The following ZNF99 variants were observed in gnomAD, a reference collection of about 807,000 sequenced individuals.
ZNF99 encodes zinc finger protein 99.
Under a neutral mutation model 12.8 loss-of-function variants are expected in ZNF99, and 8 were observed. The ratio of observed to expected loss-of-function variants is 0.62; its 90% CI spans 0.37 to 1.13. The LOEUF is 1.13. Among genes scored for constraint, ZNF99 ranks in the 50% most tolerant of loss-of-function variants. The pLI is 0.02. For missense variants in ZNF99, 1,007 were observed against 1,006.2 expected (o/e 1.00, Z -0.01); for synonymous variants, 318 against 319.0 (o/e 1.00, Z 0.03).
Position 22,756,838 on chromosome 19 carries a change from A to C in ZNF99, c.*476T>G, listed in dbSNP as rs1973067599. 1 of 1,611,464 alleles carries C rather than the reference A, an allele frequency of 6.2e-7. No individual in the cohort carries two copies. The highest frequency in any genetic ancestry group is 1.7e-5 in the Admixed American group (1 of 59,884). ...ATCTCATGTTTTCTAAGGGCTGAGA[A>C]ATGCTTAAAAGCTTTGCCACATTCT... On this transcript the variant is annotated 3_prime_UTR_variant, in exon 4 of 4. Transcript: ENST00000596209.
At chr19:22,771,883 A>G (rs1973276556) in intron 1 of ZNF99, among the ~76,000 whole-genome samples, 1 of 133,714 alleles carries the variant, frequency 7.5e-6, no homozygotes, top group East Asian at 2.2e-4. Flanking sequence ...ACGCCCGGCT[A>G]ATTTTTGTAT....
chr19:22,760,472 C>T lies in ZNF99; in HGVS notation c.227-790G>A, dbSNP rs191612624. 7.9e-5 allele frequency among the ~76,000 whole-genome samples: 12 copies of T among 152,210 alleles called. No individual in the cohort carries two copies. In the East Asian group the frequency reaches 1.9e-3, roughly 25 times the overall value. ...TAAAATGACAGCTTGAGGCCGGGCACGGTGGCTCAGGCCTGTAATCCCAGC... is the reference window on the plus strand; with the variant it reads ...TAAAATGACAGCTTGAGGCCGGGCATGGTGGCTCAGGCCTGTAATCCCAGC... On this transcript the variant is annotated intron_variant, in intron 3 of 3. Transcript: ENST00000596209.
In ZNF99 at chr19:22,759,112, A is replaced by T; in HGVS notation, c.797T>A (p.Phe266Tyr). The T allele has an allele frequency of 6.2e-7, 1 of 1,609,988 alleles. No individual in the cohort carries two copies. The highest frequency in any genetic ancestry group is 8.5e-7 in the Non-Finnish European group (1 of 1,177,796). The part of the protein sequence containing the change: ...PCKCEECGKV[F>Y]NNSSTLMKHK... ...TTTCATAAGGGTTGAGGAATTGTTAAAAACTTTGCCACATTCTTCACATTT... is the reference window on the plus strand; with the variant it reads ...TTTCATAAGGGTTGAGGAATTGTTATAAACTTTGCCACATTCTTCACATTT... Residue 266 changes from phenylalanine to tyrosine, a missense_variant, in exon 4 of 4, where the codon TTT becomes TAT. Coordinates refer to ENST00000596209, the MANE Select transcript of ZNF99 (RefSeq NM_001080409.3).
intron 3 of ZNF99, among the ~76,000 whole-genome samples, chr19:22,762,703 G>T (rs1973163697): frequency 6.6e-6 from 1 of 151,982 alleles, no homozygotes; most frequent in South Asian, 2.1e-4. Flanking sequence ...ACCACAGACT[G>T]ACGTCCCTGA....
rs1973124244 is a variant in ZNF99, at chr19:22,759,372, G to C, written c.537C>G (p.Ser179Arg). 1 of 1,553,242 alleles carries C rather than the reference G, an allele frequency of 6.4e-7. No homozygotes were observed. Among genetic ancestry groups the C allele is most frequent in the African/African-American group, 1.4e-5 (1 of 73,186 alleles). The change falls in exon 4 of 4, where the codon AGC becomes AGG. Residue 179 changes from serine to arginine, a missense_variant. Ser to Arg is a moderately radical substitution (Grantham distance 110, BLOSUM62 -1). Transcript: ENST00000596209. ...KKKTFKCMKC[S>R]KSFFMLSHLI... ...AGTGTGAAAGCATGAAAAATGATTTGCTACATTTCATACATTTGAAAGTTT... is the reference window on the plus strand; with the variant it reads ...AGTGTGAAAGCATGAAAAATGATTTCCTACATTTCATACATTTGAAAGTTT...
In ZNF99 at chr19:22,758,051, G is replaced by A. The variant is rs1413971901; in HGVS notation, c.1858C>T (p.Pro620Ser). 8 of 1,610,044 alleles carry A rather than the reference G, an allele frequency of 5.0e-6. No individual in the cohort carries two copies. Among genetic ancestry groups the A allele is most frequent in the East Asian group, 2.2e-5 (1 of 44,704 alleles). Residue 620 changes from proline (P) to serine (S), a missense_variant, in exon 4 of 4, where the codon CCC (proline) becomes TCC (serine). By Grantham distance (74) the Pro-to-Ser change is moderately conservative. Transcript: ENST00000596209. ...KHQIIHTGKK[P>S]YKCEECGKAF... ...TTGCCACATTCTTCACATTTGTAGG[G>A]TTTCTTTCCAGTATGAATTATCTGA... is the stretch of plus-strand genomic sequence containing the variant.
chr19:22,766,048 G>A (rs973094446), intron 3 of ZNF99, among the ~76,000 whole-genome samples: 1 of 151,620 alleles, frequency 6.6e-6, no homozygotes, highest in Non-Finnish European at 1.5e-5. Flanking sequence ...AAAATAATTT[G>A]TAATATTAAT....
At chr19:22,772,348 T>C (rs1973282801) in intron 1 of ZNF99, among the ~76,000 whole-genome samples, 2 of 152,180 alleles carry the variant, frequency 1.3e-5, no homozygotes, top group African/African-American at 4.8e-5. Context: ...TAGCTACTTG[T>C]GGCAATAGTG....
chr19:22,779,155 G>A (rs1458011050), intron 1 of ZNF99, among the ~76,000 whole-genome samples: 2 of 152,048 alleles, frequency 1.3e-5, no homozygotes. Flanking sequence ...TGACTTCGAT[G>A]GTGCTCTCTT....
Position 22,784,149 on chromosome 19 carries a change from G to A in ZNF99, c.-133C>T. Reference sequence around the variant, plus strand: ...AGCTCCAGCTGGAACCAGAAACAACGGCCCCGCCACATCCCACAAGCCGCC... The same window carrying A: ...AGCTCCAGCTGGAACCAGAAACAACAGCCCCGCCACATCCCACAAGCCGCC... On this transcript the variant is annotated 5_prime_UTR_variant, in exon 1 of 4. Coordinates refer to ENST00000596209, the MANE Select transcript of ZNF99 (RefSeq NM_001080409.3). The A allele has an allele frequency of 4.1e-6, 4 of 973,776 alleles. No homozygotes were observed. Among genetic ancestry groups the A allele is most frequent in the Non-Finnish European group, 3.0e-6 (2 of 657,790 alleles). The allele number at this position is 973,776 out of a possible 1,614,324, so 60.3% of individuals were successfully genotyped here.
chr19:22,763,494 A>C (rs1379624320), intron 3 of ZNF99, among the ~76,000 whole-genome samples: 1 of 152,178 alleles, frequency 6.6e-6, no homozygotes, highest in East Asian at 1.9e-4. Flanking sequence ...ACACAAACAA[A>C]TGGAAACAGT....
Position 22,758,715 on chromosome 19 carries a change from T to A in ZNF99, c.1194A>T (p.Lys398Asn). Residue 398 changes from lysine (K) to asparagine (N), a missense_variant, in exon 4 of 4, where the codon AAA becomes AAT. Lys to Asn is a moderately conservative substitution (Grantham distance 94, BLOSUM62 0). Transcript: ENST00000596209. ...EIIHTGQKPY[K>N]CEECGKAFKW... ...TAAAAGCTTTACCACATTCTTCACA[T>A]TTGTAGGGTTTCTGTCCAGTATGAA... The A allele has an allele frequency of 6.2e-7, 1 of 1,613,586 alleles. No homozygotes were observed. Among genetic ancestry groups the A allele is most frequent in the South Asian group, 1.1e-5 (1 of 91,068 alleles).
intron 3 of ZNF99, among the ~76,000 whole-genome samples, chr19:22,765,432 A>G (rs1973193352): frequency 6.6e-6 from 1 of 152,088 alleles, no homozygotes; most frequent in Non-Finnish European, 1.5e-5. Context: ...ATCACCACTA[A>G]AGAACTTACT....
intron 1 of ZNF99, among the ~76,000 whole-genome samples, chr19:22,771,930 C>A (rs536863626): frequency 6.7e-6 from 1 of 149,402 alleles, no homozygotes; most frequent in African/African-American, 2.5e-5. Flanking sequence ...ATTGGCCAGG[C>A]TGGTCTCGAA....
chr19:22,769,635 G>A (rs1423453327), intron 1 of ZNF99, among the ~76,000 whole-genome samples: 1 of 151,896 alleles, frequency 6.6e-6, no homozygotes, highest in Non-Finnish European at 1.5e-5. Flanking sequence ...GCATGGTGGT[G>A]GGTGCCTGTA....
chr19:22,759,405 AGT>A lies in ZNF99; in HGVS notation c.502_503del (p.Thr168Ter), dbSNP rs1484653496. On this transcript the variant is annotated frameshift_variant, in exon 4 of 4. Transcript: ENST00000596209. LOFTEE classifies it low-confidence loss of function (END_TRUNC). ...SNSNRYKIRH[T>X]KKKTFKCMKC... Reference sequence around the variant, plus strand: ...TCATACATTTGAAAGTTTTCTTTTTAGTGTGTCTAATCTTATATCTATTTGAA... The same window carrying A: ...TCATACATTTGAAAGTTTTCTTTTTAGTGTCTAATCTTATATCTATTTGAA... The A allele has an allele frequency of 6.4e-7, 1 of 1,572,328 alleles. No homozygotes were observed. Among genetic ancestry groups the A allele is most frequent in the Non-Finnish European group, 8.6e-7 (1 of 1,157,576 alleles).
At position 22,781,434 on chromosome 19, in the gene ZNF99, G is replaced by A. The variant is rs116783497; in HGVS notation, c.3+2580C>T. ...TTTTTTTTTTTTTTTTTTGTCGTTTGGGACACTATTTTTGATTTCACAGAT... is the reference window on the plus strand; with the variant it reads ...TTTTTTTTTTTTTTTTTTGTCGTTTAGGACACTATTTTTGATTTCACAGAT... On this transcript the variant is annotated intron_variant, in intron 1 of 3. Transcript: ENST00000596209. Among the ~76,000 whole-genome samples the A allele has an allele frequency of 3.1e-3, 302 of 97,426 alleles. 1 individual carries two copies. Among genetic ancestry groups the A allele is most frequent in the African/African-American group, 9.8e-3 (282 of 28,814 alleles). 63.9% of individuals were successfully genotyped at this position (97,426 alleles called of 152,430 possible). A position where few individuals can be genotyped will look rare whatever the true frequency, so the allele number is the denominator to read the frequency against.
chr19:22,756,053 G>T lies in ZNF99; in HGVS notation c.*1261C>A. 2 of 1,256,984 alleles carry T rather than the reference G, an allele frequency of 1.6e-6. No individual in the cohort carries two copies. Among genetic ancestry groups the T allele is most frequent in the Non-Finnish European group, 2.2e-6 (2 of 916,844 alleles). The allele number at this position is 1,256,984 out of a possible 1,614,324, so 77.9% of individuals were successfully genotyped here. A position where few individuals can be genotyped will look rare whatever the true frequency, so the allele number is the denominator to read the frequency against. ...TTTACATTTGTGGGGTTTCTCTCCA[G>T]CATGAATTGTTTTCTGCCTATTAAG... On this transcript the variant is annotated 3_prime_UTR_variant, in exon 4 of 4. Transcript: ENST00000596209.
intron 1 of ZNF99, among the ~76,000 whole-genome samples, chr19:22,771,652 C>G (rs1321923740): frequency 1.3e-5 from 2 of 150,328 alleles, no homozygotes; most frequent in South Asian, 2.1e-4. Context: ...AGGACCCCAG[C>G]TTTTCCCCAA....
Sources: gnomAD v4.1 joint callset for allele counts (sites outside exome capture counted in the v4.1 genomes callset) on GRCh38, gnomAD v4.1.1 for gene constraint, MANE v1.5 for transcripts, NCBI Gene and HGNC (gene_info 2026-07-23, HGNC 2026-07-21) for gene names.